The following SLC25A48 variants were observed in gnomAD, a reference collection of about 807,000 sequenced individuals.
The protein encoded by SLC25A48 is CTC-321K16.1.
SLC25A48 carries 29 observed loss-of-function variants against 32.2 expected under a neutral mutation model. The observed-to-expected ratio is 0.90, with a 90% CI of 0.67 to 1.23. The LOEUF (loss-of-function observed/expected upper bound fraction) is 1.23, where lower values mean the gene tolerates loss of function less well. Ranked by LOEUF, SLC25A48 falls within the 50% of genes most tolerant of loss-of-function variation. SLC25A48 has a pLI of 0.00. For missense variants in SLC25A48, 399 were observed against 422.7 expected (o/e 0.94, Z 0.49); for synonymous variants, 164 against 172.3 (o/e 0.95, Z 0.38).
At chr5:135,613,351 T>C (rs1752116584) in intron 1 of SLC25A48, among the ~76,000 whole-genome samples, 1 of 152,226 alleles carries the variant, frequency 6.6e-6, no homozygotes, top group Non-Finnish European at 1.5e-5. Flanking sequence ...ATGAATACTT[T>C]GCAAATATTT....
chr5:135,640,948 G>A (rs991410451), intron 3 of SLC25A48, among the ~76,000 whole-genome samples: 1 of 152,186 alleles, frequency 6.6e-6, no homozygotes, highest in African/African-American at 2.4e-5. Flanking sequence ...AGACAAGGAT[G>A]TCTGTACTCA....
chr5:135,773,026 A>G (rs543514076), intron 3 of SLC25A48, among the ~76,000 whole-genome samples: 214 of 151,570 alleles, frequency 1.4e-3, no homozygotes, highest in Non-Finnish European at 2.5e-3. Context: ...CCAATATCGC[A>G]GGGGGTGTAC....
intron 3 of SLC25A48, chr5:135,650,422 G>T (rs960040782): frequency 1.3e-5 from 6 of 456,030 alleles, no homozygotes; most frequent in Non-Finnish European, 2.6e-5. Context: ...CTTCACATGG[G>T]GTGGGAGAGA....
chr5:135,848,057 A>G (rs993136576), intron 2 of SLC25A48, among the ~76,000 whole-genome samples: 1 of 152,184 alleles, frequency 6.6e-6, no homozygotes, highest in South Asian at 2.1e-4. Flanking sequence ...TTCTCCTGCT[A>G]TCACTGGGGG....
At chr5:135,657,436 A>C (rs1250901341) in intron 3 of SLC25A48, among the ~76,000 whole-genome samples, 2 of 152,232 alleles carry the variant, frequency 1.3e-5, no homozygotes, top group African/African-American at 4.8e-5. Context: ...TTTTTATGGC[A>C]CATGGCAGTC....
intron 3 of SLC25A48, among the ~76,000 whole-genome samples, chr5:135,748,005 G>T (rs1004541977): frequency 6.6e-6 from 1 of 152,186 alleles, no homozygotes; most frequent in Non-Finnish European, 1.5e-5. Flanking sequence ...CCAGCACTGA[G>T]TTAGATTCCA....
chr5:135,785,545 G>A (rs988717878), intron 3 of SLC25A48, among the ~76,000 whole-genome samples: 4 of 146,720 alleles, frequency 2.7e-5, no homozygotes, highest in East Asian at 4.1e-4. Flanking sequence ...CCCATGGATC[G>A]TAATATCCAG....
At chr5:135,829,257 A>C (rs1758143594) in intron 4 of SLC25A48, among the ~76,000 whole-genome samples, 2 of 152,130 alleles carry the variant, frequency 1.3e-5, no homozygotes. Flanking sequence ...TGGGACCTTG[A>C]CAGCAGCACG....
Position 135,695,544 on chromosome 5 carries a change from C to T in SLC25A48, c.-521+60588C>T, listed in dbSNP as rs564195838. The stretch of plus-strand genomic sequence containing the variant: ...CTGCCCCTGGTATGCCAAAATGATG[C>T]ATGCACAGGCCTCGGTGGCCCTTCT... On this transcript the variant is annotated intron_variant, in intron 3 of 10. Transcript: ENST00000646290. 7.4e-4 allele frequency among the ~76,000 whole-genome samples: 113 copies of T among 152,308 alleles called. 1 individual carries two copies. Among genetic ancestry groups the T allele is most frequent in the Admixed American group, 2.4e-3 (37 of 15,306 alleles).
intron 3 of SLC25A48, among the ~76,000 whole-genome samples, chr5:135,776,278 G>T (rs954095526): frequency 6.9e-6 from 1 of 145,490 alleles, no homozygotes. Flanking sequence ...GGGGGTGGGG[G>T]GCAGAGAGAA....
At chr5:135,580,888 A>G (rs571147007) in intron 1 of SLC25A48, among the ~76,000 whole-genome samples, 16 of 152,290 alleles carry the variant, frequency 1.1e-4, no homozygotes, top group Non-Finnish European at 1.3e-4. Context: ...GCATATTGTG[A>G]ACATCGCTCC....
chr5:135,706,392 G>A (rs1156783162), intron 3 of SLC25A48, among the ~76,000 whole-genome samples: 1 of 152,200 alleles, frequency 6.6e-6, no homozygotes, highest in Non-Finnish European at 1.5e-5. Context: ...ATTGCTGTTT[G>A]TTTTGGTAAA....
chr5:135,765,174 G>A (rs898860618), intron 3 of SLC25A48, among the ~76,000 whole-genome samples: 9 of 151,484 alleles, frequency 5.9e-5, no homozygotes, highest in African/African-American at 1.9e-4. Context: ...TCCCCATATC[G>A]CGGGGTGTAC....
At chr5:135,843,526 A>G (rs1440543343) in intron 2 of SLC25A48, among the ~76,000 whole-genome samples, 3 of 152,210 alleles carry the variant, frequency 2.0e-5, no homozygotes, top group African/African-American at 7.2e-5. Flanking sequence ...CAAATCAGTT[A>G]TGGACAGTGG....
In SLC25A48 at chr5:135,800,555, G is replaced by T. The variant is rs566706415; in HGVS notation, c.-520-11968G>T. ...GCCTGTAGTATAATTCCTATATCCA[G>T]AGGAAGAGGGAGGATGAAGTTATGC... On this transcript the variant is annotated intron_variant, in intron 3 of 10. Transcript: ENST00000646290. Among the ~76,000 whole-genome samples the T allele has an allele frequency of 8.2e-4, 124 of 152,018 alleles. 1 individual carries two copies. The highest frequency in any genetic ancestry group is 1.4e-3 in the Non-Finnish European group (95 of 67,896).
intron 1 of SLC25A48, among the ~76,000 whole-genome samples, chr5:135,587,026 T>G (rs982954527): frequency 5.3e-5 from 8 of 152,072 alleles, no homozygotes; most frequent in East Asian, 1.9e-4. Flanking sequence ...CATTGTATTT[T>G]TTTTGTTTTG....
chr5:135,654,686 A>T (rs781294488), intron 3 of SLC25A48, among the ~76,000 whole-genome samples: 1 of 152,238 alleles, frequency 6.6e-6, no homozygotes, highest in Non-Finnish European at 1.5e-5. Flanking sequence ...GATGTGATTA[A>T]CATCTGCAGT....
At chr5:135,730,332 A>G (rs1231460296) in intron 3 of SLC25A48, among the ~76,000 whole-genome samples, 1 of 152,110 alleles carries the variant, frequency 6.6e-6, no homozygotes, top group African/African-American at 2.4e-5. Flanking sequence ...TGTTCTCATG[A>G]TAGTGAATAA....
At position 135,871,514 on chromosome 5, in the gene SLC25A48, CA is replaced by C. The variant is rs1444197919; in HGVS notation, c.476del (p.Gln159ArgfsTer11). The C allele has an allele frequency of 2.5e-6, 4 of 1,610,804 alleles. No homozygotes were observed. The highest frequency in any genetic ancestry group is 3.4e-6 in the Non-Finnish European group (4 of 1,177,476). ...GGCTCCTGCGGAGCAGCCAGCATACCAGGGGCCAGTGCACTGCATTACAACC... is the reference window on the plus strand; with the variant it reads ...GGCTCCTGCGGAGCAGCCAGCATACCGGGGCCAGTGCACTGCATTACAACC... ...AVAPAEQPAYQGPVHCITTIV... is the reference protein window; with the variant it reads ...AVAPAEQPAYXGPVHCITTIV... On this transcript the variant is annotated frameshift_variant, in exon 5 of 8. Transcript: ENST00000681962. LOFTEE classifies it high-confidence loss of function.
Sources: allele counts gnomAD v4.1 joint callset (sites outside exome capture counted in the v4.1 genomes callset), GRCh38; gene constraint gnomAD v4.1.1; transcripts MANE v1.5; gene names NCBI Gene and HGNC (gene_info 2026-07-23, HGNC 2026-07-21).